Variants in TRIQK observed in about 807,000 individuals in gnomAD.
TRIQK encodes the protein triple QxxK/R motif-containing protein.
A neutral mutation model predicts 10.8 loss-of-function variants in TRIQK; 10 were observed. The ratio of observed to expected loss-of-function variants is 0.92; its 90% CI spans 0.57 to 1.57. The LOEUF (loss-of-function observed/expected upper bound fraction) is 1.57. Among genes scored for constraint, TRIQK ranks in the 40% most tolerant of loss-of-function variants. The pLI is 0.00. For missense variants in TRIQK, 107 were observed against 97.7 expected (o/e 1.09, Z -0.40); for synonymous variants, 33 against 33.7 (o/e 0.98, Z 0.07).
At position 92,917,013 on chromosome 8, in the gene TRIQK, G is replaced by A; in HGVS notation, c.-21-3C>T. On this transcript the variant is annotated splice_region_variant and splice_polypyrimidine_tract_variant and intron_variant, in intron 2 of 4. Transcript: ENST00000521988. ...ATCTTTGATCTCCAAAATGCCTGCTGAAAAGAAAACAATTATAATGAAAAT... is the reference window on the plus strand; with the variant it reads ...ATCTTTGATCTCCAAAATGCCTGCTAAAAAGAAAACAATTATAATGAAAAT... The A allele has an allele frequency of 1.4e-6, 2 of 1,472,062 alleles. No homozygotes were observed. The highest frequency in any genetic ancestry group is 1.8e-6 in the Non-Finnish European group (2 of 1,119,824). The allele number at this position is 1,472,062 out of a possible 1,614,324, so 91.2% of individuals were successfully genotyped here. A position where few individuals can be genotyped will look rare whatever the true frequency, so the allele number is the denominator to read the frequency against.
At chr8:92,989,985 A>G (rs1813081250) in intron 1 of TRIQK, among the ~76,000 whole-genome samples, 1 of 152,222 alleles carries the variant, frequency 6.6e-6, no homozygotes, top group Non-Finnish European at 1.5e-5. Flanking sequence ...GACTTTAATA[A>G]AGAGTTACTA....
rs1172621225 is a variant in TRIQK at position 92,979,479 on chromosome 8, A to T, written c.-180-24915T>A. Reference sequence around the variant, plus strand: ...CAGATATGGAACTCTCAACTTTCATATATATTTTAGAATCAATTTTTCAGG... The same window carrying T: ...CAGATATGGAACTCTCAACTTTCATTTATATTTTAGAATCAATTTTTCAGG... On this transcript the variant is annotated intron_variant, in intron 1 of 4. Transcript: ENST00000520686. 2.6e-5 allele frequency among the ~76,000 whole-genome samples: 4 copies of T among 152,232 alleles called. No individual in the cohort carries two copies. In the East Asian group the frequency reaches 5.8e-4, roughly 22 times the overall value.
rs569121238 is a variant in TRIQK, at chr8:92,900,671, T to G, written c.62-8597A>C. The stretch of plus-strand genomic sequence containing the variant: ...TGCAGTATAATTTGAAGTCAGTTAA[T>G]GTGATTCTTCCAGTTTTGTTCTTTT... On this transcript the variant is annotated intron_variant, in intron 3 of 4. Coordinates refer to ENST00000521988, the MANE Select transcript of TRIQK (RefSeq NM_001171797.2). 2.0e-5 allele frequency among the ~76,000 whole-genome samples: 3 copies of G among 152,242 alleles called. No homozygotes were observed. The South Asian group carries it at 6.2e-4, about 32-fold the overall frequency.
Position 92,917,001 on chromosome 8 carries a change from A to G in TRIQK, c.-12T>C. On this transcript the variant is annotated 5_prime_UTR_variant, in exon 3 of 5. Transcript: ENST00000521988. ...TCTTTTCTACCCATCTTTGATCTCC[A>G]AAATGCCTGCTGAAAAGAAAACAAT... The G allele has an allele frequency of 6.7e-7, 1 of 1,495,082 alleles. No individual in the cohort carries two copies. Among genetic ancestry groups the G allele is most frequent in the Non-Finnish European group, 8.9e-7 (1 of 1,129,330 alleles). The allele number at this position is 1,495,082 out of a possible 1,614,324, so 92.6% of individuals were successfully genotyped here. A position where few individuals can be genotyped will look rare whatever the true frequency, so the allele number is the denominator to read the frequency against.
At chr8:92,955,989 T>C (rs1486749861) in intron 1 of TRIQK, among the ~76,000 whole-genome samples, 5 of 151,810 alleles carry the variant, frequency 3.3e-5, no homozygotes, top group Non-Finnish European at 4.4e-5. Flanking sequence ...ACAGCCACAC[T>C]TTGAAAAGTT....
At chr8:92,926,839 G>C (rs934641052) in intron 2 of TRIQK, among the ~76,000 whole-genome samples, 1 of 152,136 alleles carries the variant, frequency 6.6e-6, no homozygotes, top group Non-Finnish European at 1.5e-5. Context: ...TTGGAGGTTT[G>C]CAAGTGCAGA....
At chr8:92,986,503 T>A (rs905075823) in intron 1 of TRIQK, among the ~76,000 whole-genome samples, 2 of 152,182 alleles carry the variant, frequency 1.3e-5, no homozygotes, top group African/African-American at 2.4e-5. Context: ...TAATCACAAC[T>A]TAATTTACCA....
At position 92,994,667 on chromosome 8, in the gene TRIQK, T is replaced by C. The variant is rs1032069628; in HGVS notation, c.-181+22942A>G. 2.6e-5 allele frequency among the ~76,000 whole-genome samples: 4 copies of C among 152,132 alleles called. No individual in the cohort carries two copies. The South Asian group carries it at 6.2e-4, about 24-fold the overall frequency. Reference sequence around the variant, plus strand: ...ATCTACAAGTCCTGGTCCTTCTCTTTCTTCCAATTCTTGACACTCAATCCA... The same window carrying C: ...ATCTACAAGTCCTGGTCCTTCTCTTCCTTCCAATTCTTGACACTCAATCCA... On this transcript the variant is annotated intron_variant, in intron 1 of 4. Transcript: ENST00000520686.
At position 92,893,214 on chromosome 8, in the gene TRIQK, C is replaced by G. The variant is rs558146696; in HGVS notation, c.62-1140G>C. On this transcript the variant is annotated intron_variant, in intron 3 of 4. Coordinates refer to ENST00000521988, the MANE Select transcript of TRIQK (RefSeq NM_001171797.2). The stretch of plus-strand genomic sequence containing the variant: ...TAATGTGCAATATATCTTAATGTGT[C>G]TGCTAATGATTCAAAAGTATCTTTA... 1.2e-3 allele frequency among the ~76,000 whole-genome samples: 180 copies of G among 152,108 alleles called. 2 individuals are homozygous for G. Among genetic ancestry groups the G allele is most frequent in the Middle Eastern group, 6.8e-3 (2 of 294 alleles).
Position 92,886,401 on chromosome 8 carries a change from G to A in TRIQK, c.*221C>T, listed in dbSNP as rs555059430. 1 of 301,748 alleles carries A rather than the reference G, an allele frequency of 3.3e-6. No individual in the cohort carries two copies. The highest frequency in any genetic ancestry group is 6.1e-6 in the Non-Finnish European group (1 of 163,614). The allele number at this position is 301,748 out of a possible 1,614,324, so 18.7% of individuals were successfully genotyped here. On this transcript the variant is annotated 3_prime_UTR_variant, in exon 5 of 5. Transcript: ENST00000521988. ...TACCATGTATAGGGTGGCTGTCAAA[G>A]CAGAAAGATATATAAAAGTATCCAG...
chr8:92,921,937 C>G (rs984206252), intron 2 of TRIQK, among the ~76,000 whole-genome samples: 1 of 151,724 alleles, frequency 6.6e-6, no homozygotes, highest in Non-Finnish European at 1.5e-5. Flanking sequence ...ACAGTGAAAG[C>G]CATCTCCAAC....
At chr8:92,982,699 T>A (rs768017167) in intron 1 of TRIQK, among the ~76,000 whole-genome samples, 3 of 152,038 alleles carry the variant, frequency 2.0e-5, no homozygotes, top group Non-Finnish European at 4.4e-5. Context: ...ATGCTGCAAA[T>A]ATCAATGGGA....
chr8:92,892,997 G>T (rs1046799818), intron 3 of TRIQK, among the ~76,000 whole-genome samples: 14 of 151,742 alleles, frequency 9.2e-5, no homozygotes, highest in Non-Finnish European at 1.8e-4. Context: ...AATCTCTCTG[G>T]CTATTTTATA....
chr8:92,994,855 A>G (rs757911842), intron 1 of TRIQK, among the ~76,000 whole-genome samples: 2 of 151,868 alleles, frequency 1.3e-5, no homozygotes, highest in Non-Finnish European at 2.9e-5. Flanking sequence ...TCCCCCTACA[A>G]ACTTCTAAAC....
intron 3 of TRIQK, among the ~76,000 whole-genome samples, chr8:92,905,849 G>A (rs1380069523): frequency 1.3e-5 from 2 of 152,110 alleles, no homozygotes; most frequent in Non-Finnish European, 2.9e-5. Flanking sequence ...TCAGCAAGTA[G>A]CATCTGCTAA....
At chr8:92,964,992 G>GT (rs1177741619) in intron 1 of TRIQK, 2 of 152,108 alleles carry the variant, frequency 1.3e-5, no homozygotes, top group South Asian at 4.1e-4. Context: ...TACCTCTTTT[G>GT]TTTTTTCTCT....
chr8:92,930,159 C>G (rs926676615), intron 2 of TRIQK, among the ~76,000 whole-genome samples: 1 of 151,546 alleles, frequency 6.6e-6, no homozygotes, highest in Non-Finnish European at 1.5e-5. Flanking sequence ...GGGCAGATCA[C>G]CAGAGGTCGG....
intron 1 of TRIQK, among the ~76,000 whole-genome samples, chr8:93,006,287 A>G (rs1368877203): frequency 6.6e-6 from 1 of 152,108 alleles, no homozygotes; most frequent in Non-Finnish European, 1.5e-5. Flanking sequence ...GACTGACTAG[A>G]CGGTTGGCAT....
chr8:92,898,829 G>T (rs1373849246), intron 3 of TRIQK, among the ~76,000 whole-genome samples: 1 of 76,238 alleles, frequency 1.3e-5, no homozygotes, highest in Non-Finnish European at 2.5e-5. Context: ...ATAGGTGTGT[G>T]TGTGTATATA....
Sources: gnomAD v4.1 joint callset for allele counts (sites outside exome capture counted in the v4.1 genomes callset) on GRCh38, gnomAD v4.1.1 for gene constraint, MANE v1.5 for transcripts, NCBI Gene and HGNC (gene_info 2026-07-23, HGNC 2026-07-21) for gene names.